SHOX: variants seen among roughly 807,000 people sequenced by gnomAD.
SHOX encodes SHOX homeobox.
Under a neutral mutation model 29.6 loss-of-function variants are expected in SHOX, and 12 were observed. That is an observed-to-expected ratio of 0.41 (90% CI 0.26 to 0.66). The LOEUF is 0.66. Among genes scored for constraint, SHOX ranks in the 30% least tolerant of loss-of-function variants. The pLI is 0.35. For synonymous variants in SHOX, 214 were observed against 200.6 expected, an observed-to-expected ratio of 1.07 and a Z score of -0.57; for missense variants, 499 against 437.7, an observed-to-expected ratio of 1.14 and a Z score of -1.25.
upstream of SHOX, among the ~76,000 whole-genome samples, chrX:626,097 G>A (rs1174862445): frequency 4.6e-5 from 1 of 21,510 alleles, no homozygotes. Flanking sequence ...GTCTCTGTCT[G>A]TATCTCTGTC....
Position 640,810 on chromosome X carries a change from T to C in SHOX, c.487-11T>C, listed in dbSNP as rs1429609767. The stretch of plus-strand genomic sequence containing the variant: ...CAGGGCTCTTCACATCTCTCTCTGC[T>C]TCTCCCCAAGGTTTGGTTCCAGAAC... On this transcript the variant is annotated splice_polypyrimidine_tract_variant and intron_variant, in intron 2 of 4. Transcript: ENST00000686671. 3.1e-6 allele frequency: 5 copies of C among 1,613,814 alleles called. No individual in the cohort carries two copies. Among genetic ancestry groups the C allele is most frequent in the Non-Finnish European group, 4.2e-6 (5 of 1,179,816 alleles).
At position 650,809 on chromosome X, in the gene SHOX, A is replaced by AAAAAAAC. The variant is rs2053047793; in HGVS notation, c.*6179_*6180insCAAAAAA. Among the ~76,000 whole-genome samples, 1 of 148,426 alleles carries AAAAAAAC rather than the reference A, an allele frequency of 6.7e-6. No homozygotes were observed. The highest frequency in any genetic ancestry group is 1.5e-5 in the Non-Finnish European group (1 of 67,444). ...TTTGACATTAAAAAAAAAAAAAAAA[A>AAAAAAAC]AAAAAAAAAACTGGTGCCTAATTTA... On this transcript the variant is annotated 3_prime_UTR_variant, in exon 5 of 5. Transcript: ENST00000686671.
intron 1 of SHOX, among the ~76,000 whole-genome samples, chrX:634,405 A>T (rs2052704529): frequency 6.6e-6 from 1 of 152,202 alleles, no homozygotes; most frequent in African/African-American, 2.4e-5. Flanking sequence ...TTCTGAGATG[A>T]GGCCAAGAAA....
chrX:624,860 T>C (rs2052479854), intron 1 of SHOX, among the ~76,000 whole-genome samples: 3 of 64,692 alleles, frequency 4.6e-5, no homozygotes, highest in African/African-American at 7.0e-5. Flanking sequence ...CCTCTTTCTT[T>C]CTTTTCTTTC....
chrX:656,481 G>C (rs867112699), downstream of SHOX, among the ~76,000 whole-genome samples: 1 of 131,474 alleles, frequency 7.6e-6, no homozygotes, highest in African/African-American at 2.9e-5. Flanking sequence ...AGGCTGAGGC[G>C]GAATTGCTTG....
upstream of SHOX, chrX:630,770 T>G: frequency 1.1e-5 from 13 of 1,194,366 alleles, no homozygotes; most frequent in African/African-American, 1.5e-5. Context: ...GTATAAATAG[T>G]GAGATTTCCA....
chrX:639,768 C>T (rs372618220), intron 2 of SHOX, among the ~76,000 whole-genome samples: 3 of 152,106 alleles, frequency 2.0e-5, no homozygotes, highest in African/African-American at 7.2e-5. Context: ...TTGGGAGGCC[C>T]AGGAGGGTGG....
intron 4 of SHOX, among the ~76,000 whole-genome samples, chrX:643,980 T>C (rs2052915841): frequency 1.5e-5 from 1 of 66,126 alleles, no homozygotes; most frequent in East Asian, 4.1e-4. Flanking sequence ...CGGGAGAGCC[T>C]TGGTGACCTG....
chrX:655,594 CTCTCTCTCTCTCTCTCTCTCTATATA>C (rs2053129395), downstream of SHOX, among the ~76,000 whole-genome samples: 2 of 61,564 alleles, frequency 3.2e-5, no homozygotes, highest in Admixed American at 2.3e-4. Context: ...CTCTCTCTCT[CTCTCTCTCTCTCTCTCTCTCTATATA>C]TATATATATA....
At chrX:624,851 CTCT>C (rs2052479356) in intron 1 of SHOX, among the ~76,000 whole-genome samples, 3 of 113,782 alleles carry the variant, frequency 2.6e-5, no homozygotes, top group African/African-American at 1.0e-4. Context: ...TCCTCTCTTC[CTCT>C]TTCTTTCTTT....
In SHOX at chrX:648,980, C is replaced by T. The variant is rs867770976; in HGVS notation, c.*4344C>T. ...CTGTTTCTTTCCTTTTTATCTTTCTCTCTTTTTCTTTCTCTTTTCCTTTTT... is the reference window on the plus strand; with the variant it reads ...CTGTTTCTTTCCTTTTTATCTTTCTTTCTTTTTCTTTCTCTTTTCCTTTTT... On this transcript the variant is annotated 3_prime_UTR_variant, in exon 5 of 5. Coordinates refer to ENST00000686671, the MANE Select transcript of SHOX (RefSeq NM_000451.4). Among the ~76,000 whole-genome samples, 6 of 125,864 alleles carry T rather than the reference C, an allele frequency of 4.8e-5. No homozygotes were observed. Among genetic ancestry groups the T allele is most frequent in the South Asian group, 2.4e-4 (1 of 4,112 alleles). 82.6% of individuals were successfully genotyped at this position (125,864 alleles called of 152,430 possible).
intron 1 of SHOX, among the ~76,000 whole-genome samples, chrX:632,441 T>C (rs961210971): frequency 1.3e-5 from 2 of 152,232 alleles, no homozygotes; most frequent in Admixed American, 6.5e-5. Flanking sequence ...ACGCCTGTTA[T>C]GTTTTCATTA....
Position 651,023 on chromosome X carries a change from C to A in SHOX, c.*6387C>A, listed in dbSNP as rs1202185119. ...GAAAGGGGATGTGGCTTCACGAGTT[C>A]AGCCCATTGTACGTGCAGGTCCCGT... On this transcript the variant is annotated 3_prime_UTR_variant, in exon 5 of 5. Transcript: ENST00000686671. Among the ~76,000 whole-genome samples, 1 of 152,026 alleles carries A rather than the reference C, an allele frequency of 6.6e-6. No homozygotes were observed.
chrX:636,947 A>AATAT lies in SHOX; in HGVS notation c.486+2142_486+2145dup, dbSNP rs909293156. ...GGTTTTACGAGCTCTTTCATTTAAA[A>AATAT]ATATATATATATATATATATATATT... is the stretch of plus-strand genomic sequence containing the variant. On this transcript the variant is annotated intron_variant, in intron 2 of 4. Coordinates refer to ENST00000686671, the MANE Select transcript of SHOX (RefSeq NM_000451.4). Among the ~76,000 whole-genome samples, 18 of 78,922 alleles carry AATAT rather than the reference A, an allele frequency of 2.3e-4. No homozygotes were observed. In the South Asian group the frequency reaches 4.5e-3, roughly 20 times the overall value. The allele number at this position is 78,922 out of a possible 152,430, so 51.8% of individuals were successfully genotyped here.
At chrX:637,425 G>A (rs1446018415) in intron 2 of SHOX, among the ~76,000 whole-genome samples, 1 of 151,494 alleles carries the variant, frequency 6.6e-6, no homozygotes, top group Non-Finnish European at 1.5e-5. Context: ...GTCTATTACC[G>A]ACGAGAGCAC....
In SHOX at chrX:641,338, C is replaced by T. The variant is rs141574416; in HGVS notation, c.633+251C>T. ...GCACTTTGGGAGGCTGAGGAGGGTG[C>T]ATCACCTGAGATCAGGAGTTCAAGA... On this transcript the variant is annotated intron_variant, in intron 4 of 4. Coordinates refer to ENST00000686671, the MANE Select transcript of SHOX (RefSeq NM_000451.4). Among the ~76,000 whole-genome samples the T allele has an allele frequency of 6.6e-3, 1,007 of 151,954 alleles. 14 individuals carry two copies. The highest frequency in any genetic ancestry group is 0.023 in the African/African-American group (944 of 41,452).
At chrX:657,871 G>A (rs1382297223) in intron 5 of SHOX, among the ~76,000 whole-genome samples, 1 of 152,162 alleles carries the variant, frequency 6.6e-6, no homozygotes, top group Non-Finnish European at 1.5e-5. Context: ...TTTGACGAGT[G>A]GAAGGGGCAG....
chrX:629,028 C>T (rs866595536), upstream of SHOX, among the ~76,000 whole-genome samples: 17 of 96,144 alleles, frequency 1.8e-4, no homozygotes, highest in African/African-American at 4.0e-4. Flanking sequence ...TCTGTCTCTC[C>T]CTTTCTCTCT....
In SHOX at chrX:630,983, A is replaced by C. The variant is rs146304983; in HGVS notation, c.86A>C (p.Lys29Thr). ...GGCGGAGGCGGAGGCGGCGGAGGTA[A>C]GAAGGATTCCATTACGTACCGGGAA... is the stretch of plus-strand genomic sequence containing the variant. ...GNGGGGGGGG[K>T]KDSITYREVL... Residue 29 changes from lysine to threonine, a missense_variant, in exon 1 of 5, where the codon AAG becomes ACG. By Grantham distance (78) the Lys-to-Thr change is moderately conservative. Transcript: ENST00000686671. The C allele has an allele frequency of 8.3e-4, 1,344 of 1,613,724 alleles. No homozygotes were observed. Among genetic ancestry groups the C allele is most frequent in the Non-Finnish European group, 1.1e-3 (1,270 of 1,179,836 alleles).
Sources: allele counts gnomAD v4.1 joint callset (sites outside exome capture counted in the v4.1 genomes callset), GRCh38; gene constraint gnomAD v4.1.1; transcripts MANE v1.5; gene names NCBI Gene and HGNC (gene_info 2026-07-23, HGNC 2026-07-21).